The following CSMD1 variants were observed in gnomAD, a reference collection of about 807,000 sequenced individuals.
The protein encoded by CSMD1 is CUB and Sushi multiple domains 1, also known as CUB and sushi domain-containing protein 1.
A neutral mutation model predicts 417.5 loss-of-function variants in CSMD1; 213 were observed. The ratio of observed to expected loss-of-function variants is 0.51; its 90% CI spans 0.46 to 0.57. The LOEUF is 0.57. Ranked by LOEUF, CSMD1 falls within the 20% of genes least tolerant of loss-of-function variation. The pLI, the probability that CSMD1 is intolerant of heterozygous loss-of-function variation, is 0.00. For synonymous variants in CSMD1, 2,862 were observed against 1,736.8 expected (o/e 1.65, Z -16.11); for missense variants, 6,923 against 4,529.7 (o/e 1.53, Z -15.17).
At chr8:4,487,067 T>C (rs1026236174) in intron 2 of CSMD1, among the ~76,000 whole-genome samples, 1 of 152,130 alleles carries the variant, frequency 6.6e-6, no homozygotes, top group Non-Finnish European at 1.5e-5. Flanking sequence ...TCTAATTAAG[T>C]TGGAGAATTT....
chr8:3,057,257 T>A (rs1322320510), intron 49 of CSMD1, among the ~76,000 whole-genome samples: 2 of 152,344 alleles, frequency 1.3e-5, no homozygotes, highest in African/African-American at 4.8e-5. Flanking sequence ...TCTTAATGGT[T>A]ATTTTCCTCA....
At chr8:3,375,967 A>C (rs1810278238) in intron 18 of CSMD1, among the ~76,000 whole-genome samples, 1 of 152,142 alleles carries the variant, frequency 6.6e-6, no homozygotes, top group South Asian at 2.1e-4. Context: ...ATTGCCTCCA[A>C]GCTTTCGATA....
chr8:3,107,885 G>T (rs1213721432), intron 44 of CSMD1, 87 bp from the exon 45 acceptor site: 2 of 830,230 alleles, frequency 2.4e-6, no homozygotes, highest in Admixed American at 5.1e-5. Flanking sequence ...TCTTGCAGTT[G>T]TTATAATGCT....
intron 1 of CSMD1, among the ~76,000 whole-genome samples, chr8:4,826,315 G>C (rs555448195): frequency 1.3e-5 from 2 of 152,114 alleles, no homozygotes; most frequent in East Asian, 1.9e-4. Context: ...ATATATGTGT[G>C]TGTGTGTATA....
chr8:4,562,728 C>A (rs1437857837), intron 2 of CSMD1, among the ~76,000 whole-genome samples: 2 of 152,158 alleles, frequency 1.3e-5, no homozygotes, highest in South Asian at 2.1e-4. Flanking sequence ...CTACACTGAC[C>A]TTCAGACAGA....
chr8:3,795,425 C>G (rs1422077560), intron 5 of CSMD1, among the ~76,000 whole-genome samples: 1 of 32,292 alleles, frequency 3.1e-5, no homozygotes, highest in African/African-American at 1.2e-4. Context: ...ATATATCTAT[C>G]ATAGATATAG....
chr8:4,037,437 G>A (rs1180553814), intron 3 of CSMD1, among the ~76,000 whole-genome samples: 3 of 152,144 alleles, frequency 2.0e-5, no homozygotes, highest in Non-Finnish European at 4.4e-5. Flanking sequence ...TATTTCTGGG[G>A]CATCTTAGAC....
At chr8:3,481,777 G>A (rs941168851) in intron 11 of CSMD1, among the ~76,000 whole-genome samples, 4 of 152,174 alleles carry the variant, frequency 2.6e-5, no homozygotes, top group Non-Finnish European at 4.4e-5. Context: ...GCTGCCCTAA[G>A]CTGGAAGAAG....
chr8:3,199,924 A>T, intron 32 of CSMD1, 115 bp from the exon 33 acceptor site: 1 of 615,512 alleles, frequency 1.6e-6, no homozygotes, highest in African/African-American at 1.8e-5. Context: ...AACTTTTAAA[A>T]CATTTTCACT....
chr8:3,859,797 C>A (rs973822030), intron 5 of CSMD1, among the ~76,000 whole-genome samples: 1 of 152,196 alleles, frequency 6.6e-6, no homozygotes, highest in Non-Finnish European at 1.5e-5. Context: ...GAGGTCAATG[C>A]ATCCTGATTC....
At chr8:3,640,585 T>C (rs1250686076) in intron 7 of CSMD1, among the ~76,000 whole-genome samples, 2 of 152,254 alleles carry the variant, frequency 1.3e-5, no homozygotes, top group Non-Finnish European at 2.9e-5. Context: ...ATATTTTCTC[T>C]GAACCACTAC....
intron 30 of CSMD1, among the ~76,000 whole-genome samples, chr8:3,213,351 G>C (rs945585675): frequency 3.3e-5 from 5 of 152,092 alleles, no homozygotes; most frequent in Non-Finnish European, 5.9e-5. Context: ...AAAGGTACAA[G>C]TCAAGGGTCC....
At chr8:4,542,032 G>A (rs1350660640) in intron 2 of CSMD1, among the ~76,000 whole-genome samples, 1 of 152,102 alleles carries the variant, frequency 6.6e-6, no homozygotes, top group East Asian at 1.9e-4. Flanking sequence ...AGCAAATGTG[G>A]TCCCAGAGCC....
chr8:4,334,282 T>G (rs912363111), intron 3 of CSMD1, among the ~76,000 whole-genome samples: 1 of 152,140 alleles, frequency 6.6e-6, no homozygotes, highest in African/African-American at 2.4e-5. Flanking sequence ...TACACGTGTT[T>G]GGTCAAACAC....
Position 3,576,268 on chromosome 8 carries a change from A to AAATAATAAT in CSMD1, c.1223-1211_1223-1203dup, listed in dbSNP as rs60673988. Among the ~76,000 whole-genome samples, 434 of 147,694 alleles carry AAATAATAAT rather than the reference A, an allele frequency of 2.9e-3. 1 individual carries two copies. Among genetic ancestry groups the AAATAATAAT allele is most frequent in the African/African-American group, 8.7e-3 (347 of 40,004 alleles). Reference sequence around the variant, plus strand: ...ACATTTCTCTCTTCCATGCATGTCAAAATAATAATAATAATAATAATAATA... The same window carrying AAATAATAAT: ...ACATTTCTCTCTTCCATGCATGTCAAAATAATAATAATAATAATAATAATAATAATAATA... On this transcript the variant is annotated intron_variant, in intron 9 of 69. Coordinates refer to ENST00000635120, the MANE Select transcript of CSMD1 (RefSeq NM_033225.6).
intron 5 of CSMD1, among the ~76,000 whole-genome samples, chr8:3,867,221 T>C (rs1240297101): frequency 6.6e-6 from 1 of 152,172 alleles, no homozygotes. Context: ...AATTAATGCA[T>C]GAATAAATTA....
In CSMD1 at chr8:3,142,622, A is replaced by C. The variant is rs1001529571; in HGVS notation, c.6084T>G (p.Leu2028=). The change falls in exon 41 of 70, where the codon CTT becomes CTG. Residue 2028 remains leucine, a synonymous_variant. Coordinates refer to ENST00000635120, the MANE Select transcript of CSMD1 (RefSeq NM_033225.6). ...TGTGGTAAGGTCCATTTTGAATTTC[A>C]AGGAAGTCATGATTAGCTTCGGTAG... The part of the protein sequence containing the change: ...NFSTEANHDF[L]EIQNGPYHTS... 7 of 1,613,892 alleles carry C rather than the reference A, an allele frequency of 4.3e-6. No individual in the cohort carries two copies. In the African/African-American group the frequency reaches 9.3e-5, roughly 22 times the overall value.
intron 5 of CSMD1, among the ~76,000 whole-genome samples, chr8:3,891,434 C>A (rs1806964770): frequency 2.0e-5 from 3 of 152,186 alleles, no homozygotes; most frequent in Admixed American, 1.3e-4. Context: ...AAACCCAGAA[C>A]TTTGGGAGGC....
chr8:4,645,308 G>A (rs1164483006), intron 1 of CSMD1, among the ~76,000 whole-genome samples: 2 of 151,964 alleles, frequency 1.3e-5, no homozygotes, highest in Admixed American at 6.6e-5. Flanking sequence ...GCCCCCAGGG[G>A]AGGCAGCTTT....
Sources: gnomAD v4.1 joint callset for allele counts (sites outside exome capture counted in the v4.1 genomes callset) on GRCh38, gnomAD v4.1.1 for gene constraint, MANE v1.5 for transcripts, NCBI Gene and HGNC (gene_info 2026-07-23, HGNC 2026-07-21) for gene names.